Variants in SETBP1 observed in about 807,000 individuals in gnomAD.
SETBP1 encodes the protein SET-binding protein.
Under a neutral mutation model 101.0 loss-of-function variants are expected in SETBP1, and 9 were observed. The observed-to-expected ratio is 0.09, with a 90% CI of 0.05 to 0.16. SETBP1 has a LOEUF of 0.16. Ranked by LOEUF, SETBP1 falls within the 10% of genes least tolerant of loss-of-function variation. SETBP1 has a pLI of 1.00. For synonymous variants in SETBP1, 818 were observed against 788.5 expected, an observed-to-expected ratio of 1.04 and a Z score of -0.63; for missense variants, 1,858 against 2,033.8, an observed-to-expected ratio of 0.91 and a Z score of 1.66.
intron 2 of SETBP1, among the ~76,000 whole-genome samples, chr18:44,709,441 G>A (rs2069292773): frequency 6.6e-6 from 1 of 152,178 alleles, no homozygotes; most frequent in African/African-American, 2.4e-5. Flanking sequence ...TCTGCCTCTG[G>A]ACAGAGACAG....
chr18:44,883,702 T>C lies in SETBP1; in HGVS notation c.540+14419T>C, dbSNP rs183251644. On this transcript the variant is annotated intron_variant, in intron 3 of 5. Transcript: ENST00000649279. Reference sequence around the variant, plus strand: ...GTGCTTTCTTATACTTGGTGAGCACTAGAAATGTGAAATAGGCAAGGATAA... The same window carrying C: ...GTGCTTTCTTATACTTGGTGAGCACCAGAAATGTGAAATAGGCAAGGATAA... Among the ~76,000 whole-genome samples, 27 of 152,314 alleles carry C rather than the reference T, an allele frequency of 1.8e-4. 1 individual carries two copies. Among genetic ancestry groups the C allele is most frequent in the Admixed American group, 1.7e-3 (26 of 15,294 alleles).
chr18:44,930,249 C>T (rs1364212893), intron 3 of SETBP1, among the ~76,000 whole-genome samples: 1 of 152,144 alleles, frequency 6.6e-6, no homozygotes. Context: ...TATGGATTTG[C>T]ATATGTTGAA....
At chr18:45,033,210 T>C (rs1404330140) in intron 4 of SETBP1, among the ~76,000 whole-genome samples, 1 of 152,194 alleles carries the variant, frequency 6.6e-6, no homozygotes, top group African/African-American at 2.4e-5. Flanking sequence ...GTTTTTTCCT[T>C]GTGAAAAATA....
chr18:44,992,340 T>TA (rs2072397175), intron 4 of SETBP1, among the ~76,000 whole-genome samples: 1 of 152,044 alleles, frequency 6.6e-6, no homozygotes, highest in African/African-American at 2.4e-5. Context: ...GATTGATTTT[T>TA]AAAAAATTGC....
In SETBP1 at chr18:44,952,889, C is replaced by T; in HGVS notation, c.3549C>T (p.Ser1183=). 3 of 1,614,178 alleles carry T rather than the reference C, an allele frequency of 1.9e-6. No homozygotes were observed. The highest frequency in any genetic ancestry group is 2.5e-6 in the Non-Finnish European group (3 of 1,180,042). Residue 1183 remains serine, a synonymous_variant, in exon 4 of 6, where the codon AGC becomes AGT. Coordinates refer to ENST00000649279, the MANE Select transcript of SETBP1 (RefSeq NM_015559.3). ...LFAGKATGFS[S]HILSERLSSA... is the part of the protein sequence containing the mutation. ...CAGGCAAAGCCACAGGCTTCTCCAG[C>T]CACATCCTGAGCGAGCGGCTGAGTA...
At position 44,951,320 on chromosome 18, in the gene SETBP1, G is replaced by T; in HGVS notation, c.1980G>T (p.Lys660Asn). The change falls in exon 4 of 6, where the codon AAG (lysine) becomes AAT (asparagine). Residue 660 changes from lysine to asparagine, a missense_variant. Transcript: ENST00000649279. This position sits in a 1 kb window ranked among gnomAD's most constrained non-coding sequence, Gnocchi z 7.8. ...TTGGAAAGCTCGGCGTGTTGGATAA[G>T]AAGACCATCAAAACTATCAATAAGA... The part of the protein sequence containing the change: ...KKVGKLGVLD[K>N]KTIKTINKMK... 1 of 1,613,604 alleles carries T rather than the reference G, an allele frequency of 6.2e-7. No individual in the cohort carries two copies. Among genetic ancestry groups the T allele is most frequent in the Non-Finnish European group, 8.5e-7 (1 of 1,179,970 alleles).
At chr18:44,745,582 A>C (rs1275613504) in intron 2 of SETBP1, among the ~76,000 whole-genome samples, 1 of 152,210 alleles carries the variant, frequency 6.6e-6, no homozygotes, top group Non-Finnish European at 1.5e-5. Flanking sequence ...GTGTCCTATT[A>C]CTCTCTAACA....
chr18:45,016,726 T>TGCGC (rs200216047), intron 4 of SETBP1, among the ~76,000 whole-genome samples: 1 of 137,000 alleles, frequency 7.3e-6, no homozygotes, highest in African/African-American at 2.9e-5. Flanking sequence ...TACACATTGG[T>TGCGC]GCGCGCACAC....
At chr18:44,748,648 G>C (rs911716710) in intron 2 of SETBP1, among the ~76,000 whole-genome samples, 2 of 152,030 alleles carry the variant, frequency 1.3e-5, no homozygotes, top group Non-Finnish European at 2.9e-5. Flanking sequence ...CCATGTGCGT[G>C]CTTGTGCATG....
At chr18:44,796,177 A>G (rs985224349) in intron 2 of SETBP1, among the ~76,000 whole-genome samples, 1 of 152,220 alleles carries the variant, frequency 6.6e-6, no homozygotes, top group Non-Finnish European at 1.5e-5. Flanking sequence ...TTTCATTTTC[A>G]GTCAGCTCAG....
intron 2 of SETBP1, among the ~76,000 whole-genome samples, chr18:44,710,817 T>C (rs986491019): frequency 1.3e-5 from 2 of 152,182 alleles, no homozygotes; most frequent in African/African-American, 4.8e-5. Flanking sequence ...CAAACTGTTT[T>C]GGGGAAAGTG....
At chr18:44,947,966 G>C (rs948433680) in intron 3 of SETBP1, among the ~76,000 whole-genome samples, 1 of 152,168 alleles carries the variant, frequency 6.6e-6, no homozygotes, top group Admixed American at 6.5e-5. Context: ...AATTTCCAAA[G>C]CATAAATAGA....
intron 2 of SETBP1, among the ~76,000 whole-genome samples, chr18:44,748,479 C>T (rs1387129672): frequency 1.3e-5 from 2 of 152,212 alleles, no homozygotes. Flanking sequence ...TTCAGTCTCA[C>T]TGCTTTTCCT....
chr18:44,770,055 T>C (rs567134652), intron 2 of SETBP1, among the ~76,000 whole-genome samples: 5 of 152,328 alleles, frequency 3.3e-5, no homozygotes, highest in African/African-American at 1.2e-4. Flanking sequence ...AAAACGCTGC[T>C]TTCCATTTCC....
chr18:44,962,340 G>C (rs1044430454), intron 4 of SETBP1, among the ~76,000 whole-genome samples: 2 of 152,200 alleles, frequency 1.3e-5, no homozygotes, highest in Non-Finnish European at 2.9e-5. Context: ...GTTAGCAGTT[G>C]AGTGGGGATG....
chr18:44,848,923 A>G (rs1057398606), intron 2 of SETBP1, among the ~76,000 whole-genome samples: 2 of 152,238 alleles, frequency 1.3e-5, no homozygotes, highest in Non-Finnish European at 2.9e-5. Flanking sequence ...AGAATAGCTG[A>G]TGGCCCTGTT....
At chr18:44,722,285 G>A (rs2069617450) in intron 2 of SETBP1, among the ~76,000 whole-genome samples, 1 of 152,150 alleles carries the variant, frequency 6.6e-6, no homozygotes, top group Admixed American at 6.5e-5. Flanking sequence ...GATATTCCTA[G>A]TCACCATCTC....
chr18:44,973,280 A>G (rs1416418182), intron 4 of SETBP1, among the ~76,000 whole-genome samples: 7 of 152,164 alleles, frequency 4.6e-5, no homozygotes, highest in African/African-American at 1.2e-4. Flanking sequence ...TCGGTTTGCC[A>G]ATATTTTATT....
intron 4 of SETBP1, chr18:44,988,728 T>G (rs901954484): frequency 1.3e-5 from 2 of 152,168 alleles, no homozygotes; most frequent in African/African-American, 4.8e-5. Flanking sequence ...TCAAAGAGTG[T>G]ATTTTATAAG....
Sources: gnomAD v4.1 joint callset for allele counts (sites outside exome capture counted in the v4.1 genomes callset) on GRCh38, gnomAD v4.1.1 for gene constraint, Gnocchi (gnomAD v3.1) non-coding constraint, MANE v1.5 for transcripts, NCBI Gene and HGNC (gene_info 2026-07-23, HGNC 2026-07-21) for gene names.